Variants in CPVL observed in about 807,000 individuals in gnomAD.
CPVL encodes the protein carboxypeptidase vitellogenic like, also known as probable serine carboxypeptidase CPVL.
CPVL carries 51 observed loss-of-function variants against 63.7 expected under a neutral mutation model. That is an observed-to-expected ratio of 0.80 (90% CI 0.64 to 1.01). The LOEUF (loss-of-function observed/expected upper bound fraction) is 1.01. Ranked by LOEUF, CPVL falls within the 50% of genes least tolerant of loss-of-function variation. The probability of loss-of-function intolerance (pLI) is 0.00; values close to 1 mark genes in which losing one functional copy is unlikely to be tolerated. For missense variants in CPVL, 530 were observed against 573.1 expected (o/e 0.92, Z 0.77); for synonymous variants, 195 against 206.0 (o/e 0.95, Z 0.46).
chr7:29,045,219 T>A (rs576652913), intron 11 of CPVL, among the ~76,000 whole-genome samples: 1 of 152,342 alleles, frequency 6.6e-6, no homozygotes, highest in Middle Eastern at 3.4e-3. Flanking sequence ...ATCAATTTCA[T>A]AATTTATAGG....
At position 29,066,004 on chromosome 7, in the gene CPVL, G is replaced by C; in HGVS notation, c.963+19C>G. Reference sequence around the variant, plus strand: ...AAAGTTTTAAGCAAACATTATTATGGTTTTTAAAATGTCATTACCGTGCAC... The same window carrying C: ...AAAGTTTTAAGCAAACATTATTATGCTTTTTAAAATGTCATTACCGTGCAC... On this transcript the variant is annotated intron_variant, in intron 10 of 12. Transcript: ENST00000265394. The C allele has an allele frequency of 7.0e-7, 1 of 1,438,190 alleles. No individual in the cohort carries two copies. Among genetic ancestry groups the C allele is most frequent in the Non-Finnish European group, 9.6e-7 (1 of 1,043,016 alleles). The allele number at this position is 1,438,190 out of a possible 1,614,324, so 89.1% of individuals were successfully genotyped here.
Position 29,044,747 on chromosome 7 carries a change from C to T in CPVL, c.1138-13988G>A, listed in dbSNP as rs183759325. 2.3e-4 allele frequency among the ~76,000 whole-genome samples: 35 copies of T among 152,300 alleles called. No individual in the cohort carries two copies. In the East Asian group the frequency reaches 6.0e-3, roughly 26 times the overall value. On this transcript the variant is annotated intron_variant, in intron 11 of 12. Transcript: ENST00000265394. ...ATTTGTCTTTTCAAAGTAAAGTCAA[C>T]GGATGTAATCGCCTGTGTTTCATAC...
intron 1 of CPVL, chr7:29,125,169 T>C (rs1789866762): frequency 1.3e-5 from 2 of 152,154 alleles, no homozygotes; most frequent in South Asian, 4.1e-4. Context: ...AGAGTGCATA[T>C]AGTTGGTACT....
chr7:29,071,245 GATATGCACAA>G (rs746412742), intron 9 of CPVL, among the ~76,000 whole-genome samples: 1 of 152,174 alleles, frequency 6.6e-6, no homozygotes, highest in Non-Finnish European at 1.5e-5. Context: ...GCAATGAAAG[GATATGCACAA>G]ATACCAATGG....
intron 2 of CPVL, among the ~76,000 whole-genome samples, chr7:29,114,954 G>C (rs893454991): frequency 3.3e-5 from 5 of 152,152 alleles, no homozygotes; most frequent in African/African-American, 1.2e-4. Flanking sequence ...ACAAAAGAAA[G>C]GTCTCAACAG....
intron 2 of CPVL, among the ~76,000 whole-genome samples, chr7:29,119,705 G>A (rs191813060): frequency 2.0e-5 from 3 of 152,272 alleles, no homozygotes; most frequent in Non-Finnish European, 4.4e-5. Context: ...ATCTCTGTAA[G>A]TTGGGTAAGT....
chr7:29,058,991 T>G (rs1468677262), intron 11 of CPVL, among the ~76,000 whole-genome samples: 1 of 152,156 alleles, frequency 6.6e-6, no homozygotes, highest in Non-Finnish European at 1.5e-5. Context: ...CTTTAAATAT[T>G]GCTTCCATTT....
At chr7:29,062,153 A>G (rs1223051007) in intron 11 of CPVL, among the ~76,000 whole-genome samples, 1 of 152,188 alleles carries the variant, frequency 6.6e-6, no homozygotes, top group African/African-American at 2.4e-5. Flanking sequence ...TGGATTATGG[A>G]CAGGTTTATA....
intron 2 of CPVL, among the ~76,000 whole-genome samples, chr7:29,115,878 C>T (rs1396463264): frequency 1.8e-4 from 28 of 152,138 alleles, no homozygotes; most frequent in Admixed American, 1.8e-3. Flanking sequence ...CACACAGGGT[C>T]CACAGACTGC....
intron 1 of CPVL, among the ~76,000 whole-genome samples, chr7:29,140,221 T>C (rs1791726214): frequency 6.6e-6 from 1 of 152,168 alleles, no homozygotes; most frequent in Non-Finnish European, 1.5e-5. Flanking sequence ...AGGAGGATTA[T>C]TTGAGCCTAG....
intron 1 of CPVL, chr7:29,194,992 T>C (rs768065449): frequency 1.3e-6 from 2 of 1,586,518 alleles, no homozygotes; most frequent in South Asian, 1.1e-5. Context: ...TGTCCTCCGG[T>C]GAGTTTCAGC....
At chr7:29,041,774 G>A (rs1789116029) in intron 11 of CPVL, among the ~76,000 whole-genome samples, 1 of 152,056 alleles carries the variant, frequency 6.6e-6, no homozygotes, top group Admixed American at 6.6e-5. Flanking sequence ...ATTGTTATGT[G>A]CATCTAAGAT....
At chr7:29,137,420 C>A (rs1233584713) in intron 1 of CPVL, among the ~76,000 whole-genome samples, 1 of 152,138 alleles carries the variant, frequency 6.6e-6, no homozygotes, top group Non-Finnish European at 1.5e-5. Flanking sequence ...GGGAAGCTGG[C>A]CACCTCACCC....
At chr7:29,105,534 T>C (rs915943743) in intron 3 of CPVL, among the ~76,000 whole-genome samples, 2 of 152,190 alleles carry the variant, frequency 1.3e-5, no homozygotes, top group Admixed American at 1.3e-4. Context: ...ACTCGTTCCT[T>C]AGGCCAGACC....
intron 11 of CPVL, among the ~76,000 whole-genome samples, chr7:29,033,044 A>G (rs761911869): frequency 3.3e-5 from 5 of 152,206 alleles, no homozygotes; most frequent in Non-Finnish European, 5.9e-5. Flanking sequence ...TCGCACAGGC[A>G]ATGTGTAGAA....
At position 29,094,022 on chromosome 7, in the gene CPVL, G is replaced by C. The variant is rs1393023145; in HGVS notation, c.462+1062C>G. ...CAAGGAGAGTATCACTTTTTGTCCA[G>C]AGATGAAGCATGTTGCTTGTCTTAA... On this transcript the variant is annotated intron_variant, in intron 5 of 12. Transcript: ENST00000265394. Among the ~76,000 whole-genome samples, 3 of 152,204 alleles carry C rather than the reference G, an allele frequency of 2.0e-5. No individual in the cohort carries two copies. In the East Asian group the frequency reaches 5.8e-4, roughly 29 times the overall value.
intron 2 of CPVL, 72 bp downstream of exon 2, chr7:29,120,821 A>G: frequency 1.7e-6 from 1 of 604,406 alleles, no homozygotes; most frequent in Non-Finnish European, 2.3e-6. Context: ...TTCGTCTCAA[A>G]AAAAAAAAAA....
intron 12 of CPVL, among the ~76,000 whole-genome samples, chr7:29,003,107 ATAATAGTATATTAG>A (rs1397970636): frequency 2.2e-4 from 33 of 152,170 alleles, no homozygotes; most frequent in Non-Finnish European, 4.0e-4. Context: ...CATAGTACAC[ATAATAGTATATTAG>A]TAATAGTATA....
At chr7:29,088,818 T>C (rs904914792) in intron 6 of CPVL, among the ~76,000 whole-genome samples, 6 of 151,984 alleles carry the variant, frequency 3.9e-5, no homozygotes, top group African/African-American at 1.2e-4. Context: ...CTACTAAAAA[T>C]ACAAAAATTA....
Sources: allele counts gnomAD v4.1 joint callset (sites outside exome capture counted in the v4.1 genomes callset), GRCh38; gene constraint gnomAD v4.1.1; transcripts MANE v1.5; gene names NCBI Gene and HGNC (gene_info 2026-07-23, HGNC 2026-07-21).